Variants in DOCK5 observed in about 807,000 individuals in gnomAD.
The protein encoded by DOCK5 is dedicator of cytokinesis 5.
In DOCK5, 142 loss-of-function variants were observed where a neutral mutation model predicts 251.8. The ratio of observed to expected loss-of-function variants is 0.56; its 90% CI spans 0.49 to 0.65. The LOEUF (loss-of-function observed/expected upper bound fraction) is 0.65, where lower values mean the gene tolerates loss of function less well. Ranked by LOEUF, DOCK5 falls within the 30% of genes least tolerant of loss-of-function variation. DOCK5 has a pLI of 0.00. For missense variants in DOCK5, 2,111 were observed against 2,312.3 expected, an observed-to-expected ratio of 0.91 and a Z score of 1.79; for synonymous variants, 842 against 835.5, an observed-to-expected ratio of 1.01 and a Z score of -0.13.
intron 1 of DOCK5, among the ~76,000 whole-genome samples, chr8:25,195,031 C>T (rs942015030): frequency 1.3e-5 from 2 of 152,054 alleles, no homozygotes; most frequent in African/African-American, 4.8e-5. Context: ...AGTGATTCTC[C>T]TGCCATAGCC....
Position 25,336,259 on chromosome 8 carries a change from A to G in DOCK5, c.2213A>G (p.Asn738Ser). Residue 738 changes from asparagine (N) to serine (S), a missense_variant, in exon 22 of 52, where the codon AAC becomes AGC. By Grantham distance (46) the Asn-to-Ser change is conservative. Transcript: ENST00000276440. ...CTAAGGAAACTCTCCAAGGTACTGA[A>G]CTTCTATGTGGCTAATGCAGATGAC... ...LAYVKLSKVL[N>S]FYVANADDSS... 1 of 1,613,578 alleles carries G rather than the reference A, an allele frequency of 6.2e-7. No individual in the cohort carries two copies. The highest frequency in any genetic ancestry group is 8.5e-7 in the Non-Finnish European group (1 of 1,179,590).
chr8:25,248,775 G>A (rs955798881), intron 2 of DOCK5, among the ~76,000 whole-genome samples: 1 of 151,988 alleles, frequency 6.6e-6, no homozygotes, highest in Non-Finnish European at 1.5e-5. Context: ...CCTGGTATAC[G>A]GCAGGTGCTC....
intron 38 of DOCK5, among the ~76,000 whole-genome samples, chr8:25,379,101 C>T (rs1801018639): frequency 6.6e-6 from 1 of 152,134 alleles, no homozygotes; most frequent in South Asian, 2.1e-4. Flanking sequence ...GGCAGAAACT[C>T]CTGAAGAGGG....
chr8:25,312,761 C>CA (rs3085652), intron 13 of DOCK5, among the ~76,000 whole-genome samples: 5,178 of 113,874 alleles, frequency 0.045, 406 homozygotes, highest in African/African-American at 0.15. Flanking sequence ...GACTCCGTCT[C>CA]AAAAAAAAAA....
intron 18 of DOCK5, among the ~76,000 whole-genome samples, chr8:25,328,030 A>G (rs530157402): frequency 6.6e-6 from 1 of 152,254 alleles, no homozygotes; most frequent in East Asian, 1.9e-4. Flanking sequence ...TTTTATTAAT[A>G]AAATTAAATT....
chr8:25,332,195 T>C, intron 18 of DOCK5, 56 bp from the exon 19 acceptor site: 2 of 1,371,362 alleles, frequency 1.5e-6, no homozygotes, highest in Non-Finnish European at 2.1e-6. Flanking sequence ...AGCTATGTCC[T>C]GAAATGGTCT....
At chr8:25,234,959 T>G (rs6557827) in intron 1 of DOCK5, among the ~76,000 whole-genome samples, 151,420 of 152,236 alleles carry the variant, frequency 0.99, 75,304 homozygotes, top group South Asian at 1. Context: ...TGATGAGGGG[T>G]TAGTGTCCAT....
At chr8:25,331,799 TATAGAGAGAGAGAGAGAGAGAG>T (rs1805688464) in intron 18 of DOCK5, among the ~76,000 whole-genome samples, 3 of 48,986 alleles carry the variant, frequency 6.1e-5, no homozygotes, top group South Asian at 1.9e-3. Context: ...TATATATATA[TATAGAGAGAGAGAGAGAGAGAG>T]AGAGAGAGAG....
intron 2 of DOCK5, among the ~76,000 whole-genome samples, chr8:25,263,681 C>G (rs1803653642): frequency 6.6e-6 from 1 of 151,642 alleles, no homozygotes; most frequent in African/African-American, 2.4e-5. Flanking sequence ...GTGCGGATAC[C>G]CCCTCGCCCC....
At chr8:25,396,795 TG>T (rs1287052266) in intron 45 of DOCK5, among the ~76,000 whole-genome samples, 2 of 121,252 alleles carry the variant, frequency 1.6e-5, no homozygotes, top group Non-Finnish European at 3.7e-5. Context: ...TGTGTGTGTG[TG>T]TGTCCCGGGA....
chr8:25,300,677 TAATCATTCTC>T lies in DOCK5; in HGVS notation c.846+21_846+30del. ...TTTACAGTAAGTCCTCCCTTCTGTT[TAATCATTCTC>T]TTTGTTTGTGATATGAGCATATTCA... On this transcript the variant is annotated intron_variant, in intron 9 of 51. Transcript: ENST00000276440. 3 of 1,598,108 alleles carry T rather than the reference TAATCATTCTC, an allele frequency of 1.9e-6. No homozygotes were observed. In the South Asian group the frequency reaches 3.4e-5, roughly 18 times the overall value.
intron 1 of DOCK5, among the ~76,000 whole-genome samples, chr8:25,206,045 T>G (rs1000408364): frequency 6.6e-6 from 1 of 152,134 alleles, no homozygotes; most frequent in Non-Finnish European, 1.5e-5. Context: ...TATTGGAGTT[T>G]AGAGAAGCAG....
chr8:25,191,046 A>G (rs983789892), intron 1 of DOCK5, among the ~76,000 whole-genome samples: 9 of 152,262 alleles, frequency 5.9e-5, no homozygotes, highest in African/African-American at 2.2e-4. Context: ...CATTGAGGCT[A>G]AGAACAAAAG....
chr8:25,323,899 A>C lies in DOCK5; in HGVS notation c.1667A>C (p.Asn556Thr). The change falls in exon 17 of 52, where the codon AAC becomes ACC. Residue 556 changes from asparagine (N) to threonine (T), a missense_variant. Coordinates refer to ENST00000276440, the MANE Select transcript of DOCK5 (RefSeq NM_024940.8). ...AFGVAFVKLM[N>T]PDGTTLQDGR... Reference sequence around the variant, plus strand: ...GGGGTGGCCTTCGTGAAGCTGATGAACCCGGATGGCACCACTCTGCAGGAT... The same window carrying C: ...GGGGTGGCCTTCGTGAAGCTGATGACCCCGGATGGCACCACTCTGCAGGAT... The C allele has an allele frequency of 6.2e-7, 1 of 1,613,426 alleles. No individual in the cohort carries two copies. The highest frequency in any genetic ancestry group is 8.5e-7 in the Non-Finnish European group (1 of 1,179,732).
rs1376667738 is a variant in DOCK5, at chr8:25,302,410, G to A, written c.932G>A (p.Gly311Asp). The change falls in exon 10 of 52, where the codon GGC becomes GAC. Residue 311 changes from glycine (G) to aspartate (D), a missense_variant. Physicochemically the swap from Gly to Asp is moderately conservative, Grantham distance 94 (BLOSUM62 -1). Around this residue, in one of 3 missense-constraint regions of DOCK5, gnomAD observed 59 missense variants for 95.0 expected, o/e 0.62. Coordinates refer to ENST00000276440, the MANE Select transcript of DOCK5 (RefSeq NM_024940.8). ...VRVGHMELKE[G>D]KKHTCGLRRP... is the part of the protein sequence containing the mutation. ...GTGGGCCATATGGAGCTGAAGGAAG[G>A]CAAGAAGCACACCTGTGGACTCCGA... 1 of 1,599,918 alleles carries A rather than the reference G, an allele frequency of 6.3e-7. No individual in the cohort carries two copies. The highest frequency in any genetic ancestry group is 8.5e-7 in the Non-Finnish European group (1 of 1,173,380).
In DOCK5 at chr8:25,363,029, C is replaced by T; in HGVS notation, c.2950-18C>T. 1 of 1,606,514 alleles carries T rather than the reference C, an allele frequency of 6.2e-7. No individual in the cohort carries two copies. The highest frequency in any genetic ancestry group is 8.5e-7 in the Non-Finnish European group (1 of 1,173,260). ...ACGTAACCCAGTTTTCCCCCAACCA[C>T]TCCTCTGTTCTCCGCAGGACTTCCT... On this transcript the variant is annotated intron_variant, in intron 28 of 51. Coordinates refer to ENST00000276440, the MANE Select transcript of DOCK5 (RefSeq NM_024940.8).
chr8:25,407,863 T>C, intron 48 of DOCK5, 120 bp from the exon 49 acceptor site: 1 of 769,336 alleles, frequency 1.3e-6, no homozygotes, highest in East Asian at 3.1e-5. Flanking sequence ...AGACCCTGTC[T>C]CAAAAAAAAA....
chr8:25,312,118 G>A (rs1204913732), intron 13 of DOCK5, among the ~76,000 whole-genome samples: 1 of 152,008 alleles, frequency 6.6e-6, no homozygotes, highest in African/African-American at 2.4e-5. Context: ...CATAAAAGAA[G>A]ATAGTTTTTT....
intron 5 of DOCK5, among the ~76,000 whole-genome samples, chr8:25,282,849 CAAAAAAAAAAAAAAAAAAA>C (rs56687628): frequency 1.4e-3 from 56 of 39,618 alleles, no homozygotes; most frequent in African/African-American, 4.8e-3. Context: ...GACCCTTTCT[CAAAAAAAAAAAAAAAAAAA>C]AAAAAAAAAA....
Sources: allele counts gnomAD v4.1 joint callset (sites outside exome capture counted in the v4.1 genomes callset), GRCh38; gene constraint gnomAD v4.1.1; regional missense constraint gnomAD v4.1.1; transcripts MANE v1.5; gene names NCBI Gene and HGNC (gene_info 2026-07-23, HGNC 2026-07-21).